The following SLTM variants were observed in gnomAD, a reference collection of about 807,000 sequenced individuals.
SLTM encodes SAFB like transcription modulator, also known as SAFB-like transcription modulator.
Under a neutral mutation model 134.6 loss-of-function variants are expected in SLTM, and 43 were observed. The observed-to-expected ratio is 0.32, with a 90% CI of 0.25 to 0.41. The LOEUF is 0.41. Among genes scored for constraint, SLTM ranks in the 10% least tolerant of loss-of-function variants. The pLI, the probability that SLTM is intolerant of heterozygous loss-of-function variation, is 1.00. For synonymous variants in SLTM, 424 were observed against 432.3 expected (o/e 0.98, Z 0.24); for missense variants, 1,055 against 1,288.8 (o/e 0.82, Z 2.78).
At position 58,926,583 on chromosome 15, in the gene SLTM, T is replaced by C. The variant is rs541979347; in HGVS notation, c.250+5773A>G. 5.9e-5 allele frequency among the ~76,000 whole-genome samples: 9 copies of C among 152,036 alleles called. No homozygotes were observed. In the South Asian group the frequency reaches 1.9e-3, roughly 32 times the overall value. On this transcript the variant is annotated intron_variant, in intron 2 of 20. Coordinates refer to ENST00000380516, the MANE Select transcript of SLTM (RefSeq NM_024755.4). ...TTCAGGGTGGTGGGATTACGGGTAA[T>C]CTTCACTTTTTTGTACTTTTCTGGA...
Position 58,890,318 on chromosome 15 carries a change from C to T in SLTM, c.2042G>A (p.Arg681His), listed in dbSNP as rs746689656. ...RQKLERERME[R>H]ERLERERIRI... ...AATGCGTTCCCTTTCCAAGCGTTCG[C>T]GTTCCATTCTCTCTCTCTCTAGTTT... Residue 681 changes from arginine (R) to histidine (H), a missense_variant, in exon 15 of 21, where the codon CGC becomes CAC. Coordinates refer to ENST00000380516, the MANE Select transcript of SLTM (RefSeq NM_024755.4). 5.6e-6 allele frequency: 9 copies of T among 1,613,922 alleles called. No individual in the cohort carries two copies. Among genetic ancestry groups the T allele is most frequent in the East Asian group, 2.2e-5 (1 of 44,890 alleles).
intron 12 of SLTM, among the ~76,000 whole-genome samples, 168 bp from the exon 13 acceptor site, chr15:58,893,532 G>A (rs917315542): frequency 2.0e-5 from 3 of 152,140 alleles, no homozygotes; most frequent in Admixed American, 6.5e-5. Context: ...AGTTCAGTCT[G>A]CTAACATAAA....
chr15:58,925,258 AT>A (rs1241726422), intron 2 of SLTM, among the ~76,000 whole-genome samples: 1 of 152,136 alleles, frequency 6.6e-6, no homozygotes, highest in South Asian at 2.1e-4. Flanking sequence ...TTAAACTGAC[AT>A]TTTACTAACA....
chr15:58,933,632 C>T lies in SLTM; in HGVS notation c.-67G>A, dbSNP rs1239705971. 7.1e-7 allele frequency: 1 copy of T among 1,418,254 alleles called. No homozygotes were observed. Among genetic ancestry groups the T allele is most frequent in the Non-Finnish European group, 9.2e-7 (1 of 1,089,058 alleles). 87.9% of individuals were successfully genotyped at this position (1,418,254 alleles called of 1,614,324 possible). ...AGGGCGGCGGCAGCAGCGCCAACTT[C>T]CACCCAGGCCTCGGCGGCCGCCGGC... On this transcript the variant is annotated 5_prime_UTR_variant, in exon 1 of 21. Coordinates refer to ENST00000380516, the MANE Select transcript of SLTM (RefSeq NM_024755.4).
chr15:58,912,356 C>T (rs2036337642), intron 5 of SLTM, among the ~76,000 whole-genome samples: 1 of 152,126 alleles, frequency 6.6e-6, no homozygotes, highest in African/African-American at 2.4e-5. Flanking sequence ...GCCTCGGCCT[C>T]CCAAAGTGCT....
Position 58,906,226 on chromosome 15 carries a change from A to AT in SLTM, c.562-4940dup, listed in dbSNP as rs1223095821. ...AAACAATTTCTCCCACTGAAAACAG[A>AT]TTTTTTTTCCAAATGAGGAATATAG... On this transcript the variant is annotated intron_variant, in intron 5 of 20. Transcript: ENST00000380516. Among the ~76,000 whole-genome samples the AT allele has an allele frequency of 3.9e-5, 6 of 152,238 alleles. No homozygotes were observed. In the East Asian group the frequency reaches 9.6e-4, roughly 24 times the overall value.
At position 58,889,682 on chromosome 15, in the gene SLTM, C is replaced by G. The variant is rs1029433933; in HGVS notation, c.2080-128G>C. On this transcript the variant is annotated intron_variant, in intron 15 of 20. Coordinates refer to ENST00000380516, the MANE Select transcript of SLTM (RefSeq NM_024755.4). ...AGCAAAGACCAGGCAAAACACAAAC[C>G]TATGACACCTAAATTTGATTTCAAT... 7.7e-6 allele frequency: 8 copies of G among 1,043,184 alleles called. No homozygotes were observed. In the African/African-American group the frequency reaches 1.1e-4, roughly 15 times the overall value. The allele number at this position is 1,043,184 out of a possible 1,614,324, so 64.6% of individuals were successfully genotyped here. A position where few individuals can be genotyped will look rare whatever the true frequency, so the allele number is the denominator to read the frequency against.
At chr15:58,892,865 A>T in intron 14 of SLTM, 32 bp downstream of exon 14, 1 of 1,590,224 alleles carries the variant, frequency 6.3e-7, no homozygotes, top group Non-Finnish European at 8.5e-7. Flanking sequence ...ACCTATATTT[A>T]AAGACAGGTA....
chr15:58,900,586 G>A (rs1212799091), intron 6 of SLTM: 3 of 152,454 alleles, frequency 2.0e-5, no homozygotes, highest in Non-Finnish European at 2.9e-5. Context: ...GAAAGGCTTC[G>A]GGCATGTGAG....
rs1186127723 is a variant in SLTM at position 58,893,352 on chromosome 15, G to C, written c.1661C>G (p.Pro554Arg). ...EEKKRISSKS[P>R]GHMVILDQTK... Reference sequence around the variant, plus strand: ...TTGGTCTAGTATTACCATATGTCCTGGACTCTTGGAACCTAAGGGAAAAAA... The same window carrying C: ...TTGGTCTAGTATTACCATATGTCCTCGACTCTTGGAACCTAAGGGAAAAAA... The change falls in exon 13 of 21, where the codon CCA becomes CGA. Residue 554 changes from proline (P) to arginine (R), a missense_variant. Coordinates refer to ENST00000380516, the MANE Select transcript of SLTM (RefSeq NM_024755.4). The C allele has an allele frequency of 6.2e-7, 1 of 1,601,586 alleles. No individual in the cohort carries two copies.
chr15:58,885,192 C>CA (rs1449494095), intron 19 of SLTM, among the ~76,000 whole-genome samples: 1 of 152,074 alleles, frequency 6.6e-6, no homozygotes, highest in Non-Finnish European at 1.5e-5. Flanking sequence ...CTATGGAAAA[C>CA]AGAGTAGCAA....
chr15:58,932,244 C>T (rs987166422), intron 2 of SLTM, 112 bp downstream of exon 2: 3 of 773,632 alleles, frequency 3.9e-6, no homozygotes, highest in Admixed American at 3.9e-5. Context: ...GGCAGACTGC[C>T]AGAGGGAAAT....
At position 58,929,373 on chromosome 15, in the gene SLTM, G is replaced by A. The variant is rs62004803; in HGVS notation, c.250+2983C>T. On this transcript the variant is annotated intron_variant, in intron 2 of 20. Transcript: ENST00000380516. ...TGAGGCAGGAGAATCGCTTGAAACC[G>A]GGAGGCGGAGGTTGCAGTGAGCCGA... 3.7e-3 allele frequency among the ~76,000 whole-genome samples: 552 copies of A among 151,016 alleles called. 1 individual carries two copies. Among genetic ancestry groups the A allele is most frequent in the Non-Finnish European group, 6.7e-3 (453 of 67,638 alleles).
intron 2 of SLTM, among the ~76,000 whole-genome samples, chr15:58,927,665 C>G (rs2037576019): frequency 6.6e-6 from 1 of 151,532 alleles, no homozygotes; most frequent in Non-Finnish European, 1.5e-5. Context: ...ACGTGCCATG[C>G]TCTACACCAG....
At chr15:58,925,073 TAA>T (rs61197202) in intron 2 of SLTM, among the ~76,000 whole-genome samples, 23 of 124,930 alleles carry the variant, frequency 1.8e-4, no homozygotes, top group African/African-American at 2.8e-4. Flanking sequence ...GATAAAATGT[TAA>T]AAAAAAAAAA....
chr15:58,916,178 CTTTT>C, intron 3 of SLTM, among the ~76,000 whole-genome samples: 1 of 138,672 alleles, frequency 7.2e-6, no homozygotes. Flanking sequence ...CTCTCTCTCT[CTTTT>C]TTTTTTTTTT....
chr15:58,933,611 C>G lies in SLTM; in HGVS notation c.-46G>C. ...CCGAGGCAGCGAGTGGGCTGCAGGG[C>G]GGCGGCAGCAGCGCCAACTTCCACC... On this transcript the variant is annotated 5_prime_UTR_variant, in exon 1 of 21. Coordinates refer to ENST00000380516, the MANE Select transcript of SLTM (RefSeq NM_024755.4). 1 of 1,502,002 alleles carries G rather than the reference C, an allele frequency of 6.7e-7. No individual in the cohort carries two copies. Among genetic ancestry groups the G allele is most frequent in the South Asian group, 1.2e-5 (1 of 81,258 alleles). 93.0% of individuals were successfully genotyped at this position (1,502,002 alleles called of 1,614,324 possible). A position where few individuals can be genotyped will look rare whatever the true frequency, so the allele number is the denominator to read the frequency against.
At chr15:58,907,581 G>A (rs1336301004) in intron 5 of SLTM, among the ~76,000 whole-genome samples, 1 of 151,992 alleles carries the variant, frequency 6.6e-6, no homozygotes, top group Non-Finnish European at 1.5e-5. Flanking sequence ...AGATCGCGTC[G>A]CCACACTCCA....
chr15:58,910,403 A>T (rs989370605), intron 5 of SLTM, among the ~76,000 whole-genome samples: 3 of 152,236 alleles, frequency 2.0e-5, no homozygotes, highest in Non-Finnish European at 2.9e-5. Context: ...GAAAGAGGAA[A>T]AAGGTCATTT....
Sources: allele counts gnomAD v4.1 joint callset (sites outside exome capture counted in the v4.1 genomes callset), GRCh38; gene constraint gnomAD v4.1.1; transcripts MANE v1.5; gene names NCBI Gene and HGNC (gene_info 2026-07-23, HGNC 2026-07-21).